The following DENND5B variants were observed in gnomAD, a reference collection of about 807,000 sequenced individuals.
DENND5B encodes the protein DENN domain containing 5B.
A neutral mutation model predicts 140.6 loss-of-function variants in DENND5B; 34 were observed. That is an observed-to-expected ratio of 0.24 (90% confidence interval 0.18 to 0.32). The LOEUF is 0.32. Among genes scored for constraint, DENND5B ranks in the 10% least tolerant of loss-of-function variants. The pLI is 1.00. For synonymous variants in DENND5B, 551 were observed against 562.1 expected, an observed-to-expected ratio of 0.98 and a Z score of 0.28; for missense variants, 1,142 against 1,560.2, an observed-to-expected ratio of 0.73 and a Z score of 4.52.
chr12:31,382,607 T>C lies in DENND5B; in HGVS notation c.*4996A>G, dbSNP rs1160975170. ...CAAGATTTGGTGTTTAGAATCAAGA[T>C]TGGATTCACACACAAGTACATTCAG... is the stretch of plus-strand genomic sequence containing the variant. On this transcript the variant is annotated 3_prime_UTR_variant, in exon 21 of 21. Transcript: ENST00000389082. The C allele has an allele frequency of 6.6e-6, 1 of 152,160 alleles. No homozygotes were observed. Among genetic ancestry groups the C allele is most frequent in the Non-Finnish European group, 1.5e-5 (1 of 68,026 alleles). 9.4% of individuals were successfully genotyped at this position (152,160 alleles called of 1,614,324 possible).
At position 31,389,410 on chromosome 12, in the gene DENND5B, G is replaced by C. The variant is rs751299333; in HGVS notation, c.3555C>G (p.Phe1185Leu). The C allele has an allele frequency of 6.2e-7, 1 of 1,612,316 alleles. No individual in the cohort carries two copies. Among genetic ancestry groups the C allele is most frequent in the African/African-American group, 1.3e-5 (1 of 74,926 alleles). ...TATTAATAGCATTTACGTAGTGGCA[G>C]AAGGTTTTGCAGGATGATTTCTGAA... ...VLIQKSSCKTFCHYVNAINTA... is the reference protein window; with the variant it reads ...VLIQKSSCKTLCHYVNAINTA... Residue 1185 changes from phenylalanine to leucine, a missense_variant, in exon 20 of 21, where the codon TTC becomes TTG. Physicochemically the swap from Phe to Leu is conservative, Grantham distance 22. Around this residue, in one of 5 missense-constraint regions of DENND5B, gnomAD observed 125 missense variants for 179.0 expected, o/e 0.70. Transcript: ENST00000389082.
At chr12:31,512,459 T>C (rs1376876097) in intron 1 of DENND5B, among the ~76,000 whole-genome samples, 1 of 151,700 alleles carries the variant, frequency 6.6e-6, no homozygotes, top group Non-Finnish European at 1.5e-5. Flanking sequence ...CTCAAACTCC[T>C]GGGCTCAAGG....
chr12:31,480,353 A>G, intron 2 of DENND5B, 98 bp from the exon 3 acceptor site: 3 of 1,215,080 alleles, frequency 2.5e-6, no homozygotes, highest in Non-Finnish European at 2.2e-6. Context: ...ATTCAAAAAG[A>G]CAGGTTTTAT....
chr12:31,448,498 T>C (rs1944370739), intron 5 of DENND5B, among the ~76,000 whole-genome samples: 1 of 152,180 alleles, frequency 6.6e-6, no homozygotes, highest in African/African-American at 2.4e-5. Context: ...AGCCACAAGG[T>C]AGTGAGATGA....
At chr12:31,422,999 G>A (rs7976303) in intron 11 of DENND5B, among the ~76,000 whole-genome samples, 157 of 148,514 alleles carry the variant, frequency 1.1e-3, no homozygotes, top group African/African-American at 3.9e-3. Flanking sequence ...GTAGTGCAGT[G>A]GCGCCTTCTC....
chr12:31,423,764 T>A, intron 10 of DENND5B, 89 bp from the exon 11 acceptor site: 1 of 1,348,008 alleles, frequency 7.4e-7, no homozygotes, highest in Admixed American at 1.8e-5. Flanking sequence ...CCAATAGCCA[T>A]TTAGAAGTCT....
Position 31,402,595 on chromosome 12 carries a change from G to A in DENND5B, c.2852C>T (p.Ala951Val). 6.2e-7 allele frequency: 1 copy of A among 1,613,708 alleles called. No homozygotes were observed. The highest frequency in any genetic ancestry group is 1.1e-5 in the South Asian group (1 of 91,024). Residue 951 changes from alanine (A) to valine (V), a missense_variant, in exon 15 of 21, where the codon GCA becomes GTA. Coordinates refer to ENST00000389082, the MANE Select transcript of DENND5B (RefSeq NM_144973.4). ...GATCCAAGGGTTTGATGTGATTATTGCATTGCTCAGCTTTTTGATTGGGAT... is the reference window on the plus strand; with the variant it reads ...GATCCAAGGGTTTGATGTGATTATTACATTGCTCAGCTTTTTGATTGGGAT... ...VIIPIKKLSN[A>V]IITSNPWICV... is the part of the protein sequence containing the mutation.
At chr12:31,499,472 G>A (rs145022467) in intron 1 of DENND5B, 1 of 595,444 alleles carries the variant, frequency 1.7e-6, no homozygotes, top group Non-Finnish European at 2.5e-6. Context: ...ATGCAGATGA[G>A]AGAAGAGAAA....
chr12:31,392,166 A>G, intron 19 of DENND5B, 101 bp downstream of exon 19: 2 of 1,265,894 alleles, frequency 1.6e-6, no homozygotes, highest in Non-Finnish European at 2.1e-6. Flanking sequence ...AAAAATATAT[A>G]TATCCTTATC....
chr12:31,452,159 T>C lies in DENND5B; in HGVS notation c.1410A>G (p.Lys470=). Residue 470 remains lysine, a synonymous_variant, in exon 5 of 21, where the codon AAA becomes AAG. Coordinates refer to ENST00000389082, the MANE Select transcript of DENND5B (RefSeq NM_144973.4). The stretch of plus-strand genomic sequence containing the variant: ...CACCCAGAGAAGCAGAGAGGTCCAT[T>C]TTTTCCACAGCCACACCAGTACGCT... ...LAKRTGVAVE[K]MDLSASLGEK... 1 of 1,613,974 alleles carries C rather than the reference T, an allele frequency of 6.2e-7. No individual in the cohort carries two copies. The highest frequency in any genetic ancestry group is 8.5e-7 in the Non-Finnish European group (1 of 1,179,894).
At chr12:31,389,223 C>T in intron 20 of DENND5B, 101 bp downstream of exon 20, 1 of 1,130,720 alleles carries the variant, frequency 8.8e-7, no homozygotes, top group South Asian at 2.1e-5. Context: ...GGAAAGAAAC[C>T]CAAAGGAGAG....
intron 1 of DENND5B, among the ~76,000 whole-genome samples, chr12:31,578,520 CA>C (rs1950102290): frequency 6.6e-6 from 1 of 152,166 alleles, no homozygotes; most frequent in Admixed American, 6.5e-5. Context: ...GGGCTATGCA[CA>C]ATTACTGGTT....
intron 1 of DENND5B, among the ~76,000 whole-genome samples, chr12:31,508,512 A>T (rs1313666558): frequency 1.3e-5 from 2 of 152,192 alleles, no homozygotes; most frequent in Non-Finnish European, 2.9e-5. Context: ...TGGTCTATGA[A>T]ATTATCCTAA....
At chr12:31,459,892 TA>T (rs1233407405) in intron 4 of DENND5B, among the ~76,000 whole-genome samples, 5 of 151,804 alleles carry the variant, frequency 3.3e-5, no homozygotes, top group Non-Finnish European at 7.4e-5. Context: ...ATAACGTGAA[TA>T]AAGAAAAAAA....
intron 20 of DENND5B, among the ~76,000 whole-genome samples, chr12:31,388,071 A>G (rs1175202563): frequency 3.9e-5 from 6 of 152,144 alleles, no homozygotes; most frequent in African/African-American, 1.4e-4. Flanking sequence ...TATGCACATT[A>G]AAGACATTCT....
intron 1 of DENND5B, among the ~76,000 whole-genome samples, chr12:31,557,879 G>A (rs1393004602): frequency 6.7e-6 from 1 of 148,484 alleles, no homozygotes; most frequent in Non-Finnish European, 1.5e-5. Flanking sequence ...CAAAACCAAT[G>A]CAGGCAAGAA....
intron 1 of DENND5B, among the ~76,000 whole-genome samples, chr12:31,522,295 G>A (rs4931513): frequency 0.42 from 64,203 of 151,958 alleles, 13,969 homozygotes; most frequent in Admixed American, 0.57. Context: ...AACTTCTTAG[G>A]AAAGCATGGC....
chr12:31,514,143 G>A (rs1947529328), intron 1 of DENND5B, among the ~76,000 whole-genome samples: 1 of 152,096 alleles, frequency 6.6e-6, no homozygotes, highest in African/African-American at 2.4e-5. Context: ...ACTACACAAA[G>A]CCAGGATAAC....
chr12:31,528,504 G>A (rs1028643229), intron 1 of DENND5B, among the ~76,000 whole-genome samples: 24 of 152,268 alleles, frequency 1.6e-4, no homozygotes, highest in South Asian at 6.2e-4. Context: ...CTACCTAAGA[G>A]GTAAAAGTAT....
Sources: gnomAD v4.1 joint callset for allele counts (sites outside exome capture counted in the v4.1 genomes callset) on GRCh38, gnomAD v4.1.1 for gene constraint, gnomAD v4.1.1 regional missense constraint, MANE v1.5 for transcripts, NCBI Gene and HGNC (gene_info 2026-07-23, HGNC 2026-07-21) for gene names.